DNAH11: variants seen among roughly 807,000 people sequenced by gnomAD.
The protein encoded by DNAH11 is dynein axonemal heavy chain 11.
A neutral mutation model predicts 526.0 loss-of-function variants in DNAH11; 442 were observed. The ratio of observed to expected loss-of-function variants is 0.84; its 90% CI spans 0.78 to 0.91. The LOEUF is 0.91. Among genes scored for constraint, DNAH11 ranks in the 40% least tolerant of loss-of-function variants. The probability of loss-of-function intolerance (pLI) is 0.00; values close to 1 mark genes in which losing one functional copy is unlikely to be tolerated. For synonymous variants in DNAH11, 2,461 were observed against 1,935.9 expected, an observed-to-expected ratio of 1.27 and a Z score of -7.12; for missense variants, 6,989 against 5,448.7, an observed-to-expected ratio of 1.28 and a Z score of -8.90.
chr7:21,774,263 C>A (rs192116893), intron 56 of DNAH11, among the ~76,000 whole-genome samples: 14 of 152,168 alleles, frequency 9.2e-5, no homozygotes, highest in Non-Finnish European at 1.6e-4. Context: ...GCAGACACAG[C>A]GGATTGCCTC....
intron 65 of DNAH11, among the ~76,000 whole-genome samples, chr7:21,829,357 G>A (rs868607663): frequency 1.3e-5 from 2 of 151,868 alleles, no homozygotes; most frequent in Non-Finnish European, 2.9e-5. Flanking sequence ...CAGAGAACAT[G>A]TTGGCTATCT....
In DNAH11 at chr7:21,900,994, GTTT is replaced by G. The variant is rs747171868; in HGVS notation, c.13304-10_13304-8del. 3.8e-6 allele frequency: 6 copies of G among 1,572,976 alleles called. No individual in the cohort carries two copies. In the Admixed American group the frequency reaches 9.4e-5, roughly 25 times the overall value. ...GCTGCCACACAATTGCAACCGCTGT[GTTT>G]TTGCCATAGGCGCCCGCTGGGACAC... On this transcript the variant is annotated splice_polypyrimidine_tract_variant and intron_variant, in intron 81 of 81. Coordinates refer to ENST00000409508, the MANE Select transcript of DNAH11 (RefSeq NM_001277115.2).
intron 65 of DNAH11, among the ~76,000 whole-genome samples, chr7:21,823,330 A>C (rs1273437747): frequency 6.6e-6 from 1 of 152,064 alleles, no homozygotes; most frequent in Non-Finnish European, 1.5e-5. Flanking sequence ...TTTGGAAACT[A>C]TGTTTTTCAT....
chr7:21,629,127 A>C (rs1169056061), intron 25 of DNAH11, among the ~76,000 whole-genome samples: 19 of 151,940 alleles, frequency 1.3e-4, no homozygotes, highest in Admixed American at 1.0e-3. Flanking sequence ...TGTTTCAGAA[A>C]ATTTTTACAT....
chr7:21,818,395 G>T, intron 65 of DNAH11, 56 bp downstream of exon 65: 1 of 1,552,524 alleles, frequency 6.4e-7, no homozygotes, highest in Admixed American at 1.9e-5. Context: ...TTCAGCAGCA[G>T]CATCTCTTAG....
At chr7:21,815,909 A>G (rs1342540864) in intron 63 of DNAH11, among the ~76,000 whole-genome samples, 1 of 151,868 alleles carries the variant, frequency 6.6e-6, no homozygotes, top group Non-Finnish European at 1.5e-5. Context: ...CAATCAAGGC[A>G]TAGATAATTT....
chr7:21,769,188 C>T (rs1448046429), intron 55 of DNAH11, among the ~76,000 whole-genome samples: 1 of 152,154 alleles, frequency 6.6e-6, no homozygotes, highest in East Asian at 1.9e-4. Flanking sequence ...CTTATACTGG[C>T]TTAAGCATAT....
intron 6 of DNAH11, among the ~76,000 whole-genome samples, chr7:21,568,842 A>G (rs1783772477): frequency 1.3e-5 from 2 of 152,244 alleles, no homozygotes. Flanking sequence ...ACTATAAAGA[A>G]TACATAGAGA....
chr7:21,704,685 G>A, intron 38 of DNAH11, 57 bp downstream of exon 38: 1 of 1,552,592 alleles, frequency 6.4e-7, no homozygotes, highest in Non-Finnish European at 8.7e-7. Flanking sequence ...GGAAATAATT[G>A]TGGCTAATTG....
In DNAH11 at chr7:21,637,684, T is replaced by A; in HGVS notation, c.4799T>A (p.Leu1600His). Residue 1600 changes from leucine to histidine, a missense_variant, in exon 27 of 82, where the codon CTT becomes CAT. Transcript: ENST00000409508. ...ATCRPNLYEK[L>H]KDLQSRLSLC... is the part of the protein sequence containing the mutation. ...TGCAGACCTAATCTCTATGAAAAAC[T>A]TAAAGATTTACAGTCCAGGTAAGAA... 1 of 1,566,136 alleles carries A rather than the reference T, an allele frequency of 6.4e-7. No individual in the cohort carries two copies. Among genetic ancestry groups the A allele is most frequent in the East Asian group, 2.3e-5 (1 of 43,166 alleles).
intron 30 of DNAH11, among the ~76,000 whole-genome samples, chr7:21,669,851 T>C (rs1471836785): frequency 6.6e-6 from 1 of 152,160 alleles, no homozygotes; most frequent in Non-Finnish European, 1.5e-5. Context: ...TATATACGTA[T>C]GTGGGTCTAT....
intron 62 of DNAH11, among the ~76,000 whole-genome samples, chr7:21,802,679 TATC>T (rs1357623480): frequency 1.3e-5 from 2 of 151,930 alleles, no homozygotes; most frequent in African/African-American, 4.8e-5. Context: ...ATCTTGAAAA[TATC>T]ATGCTAAAAG....
At chr7:21,790,041 T>C (rs1002284097) in intron 61 of DNAH11, among the ~76,000 whole-genome samples, 1 of 151,736 alleles carries the variant, frequency 6.6e-6, no homozygotes. Flanking sequence ...CTGTCATTCA[T>C]TAGCTATTTT....
intron 46 of DNAH11, among the ~76,000 whole-genome samples, chr7:21,736,323 A>G (rs906336590): frequency 3.9e-5 from 6 of 152,232 alleles, no homozygotes; most frequent in African/African-American, 1.4e-4. Context: ...CAACGTAATC[A>G]AAAGAACCAC....
intron 65 of DNAH11, among the ~76,000 whole-genome samples, chr7:21,826,511 G>T (rs867161556): frequency 6.6e-6 from 1 of 151,888 alleles, no homozygotes. Flanking sequence ...GAAAATTTTT[G>T]AAAATTAATC....
intron 9 of DNAH11, among the ~76,000 whole-genome samples, chr7:21,584,822 TAACA>T (rs1784429947): frequency 6.6e-6 from 1 of 152,196 alleles, no homozygotes; most frequent in Non-Finnish European, 1.5e-5. Flanking sequence ...CTTCTTCACT[TAACA>T]GAGTCATAAA....
intron 62 of DNAH11, among the ~76,000 whole-genome samples, chr7:21,804,082 T>TTTTTGTTTTG (rs10549465): frequency 0.016 from 2,357 of 147,572 alleles, 69 homozygotes; most frequent in African/African-American, 0.055. Flanking sequence ...GTAGTAGTTT[T>TTTTTGTTTTG]TTTTGTTTTG....
chr7:21,860,717 G>T (rs994517602), intron 68 of DNAH11, among the ~76,000 whole-genome samples: 1 of 152,166 alleles, frequency 6.6e-6, no homozygotes, highest in Non-Finnish European at 1.5e-5. Flanking sequence ...CTGCTTATAT[G>T]AGTGTATTAG....
At position 21,591,495 on chromosome 7, in the gene DNAH11, C is replaced by T; in HGVS notation, c.2585C>T (p.Thr862Ile). The T allele has an allele frequency of 6.2e-7, 1 of 1,612,110 alleles. No homozygotes were observed. Among genetic ancestry groups the T allele is most frequent in the Non-Finnish European group, 8.5e-7 (1 of 1,178,534 alleles). Reference protein sequence around the residue: ...RREHRREAAFTLEDKGDLFTK... With the variant: ...RREHRREAAFILEDKGDLFTK... ...GAGCACAGACGAGAGGCAGCCTTCA[C>T]CTTGGAGGACAAGGGTGATTTGTTT... is the stretch of plus-strand genomic sequence containing the variant. The change falls in exon 14 of 82, where the codon ACC becomes ATC. Residue 862 changes from threonine to isoleucine, a missense_variant. Physicochemically the swap from Thr to Ile is moderately conservative, Grantham distance 89. Transcript: ENST00000409508.
Sources: allele counts gnomAD v4.1 joint callset (sites outside exome capture counted in the v4.1 genomes callset), GRCh38; gene constraint gnomAD v4.1.1; transcripts MANE v1.5; gene names NCBI Gene and HGNC (gene_info 2026-07-23, HGNC 2026-07-21).